The following ZP4 variants were observed in gnomAD, a reference collection of about 807,000 sequenced individuals.
ZP4 encodes the protein zona pellucida sperm-binding protein 4.
In ZP4, 62 loss-of-function variants were observed where a neutral mutation model predicts 62.3. The ratio of observed to expected loss-of-function variants is 0.99; its 90% CI spans 0.81 to 1.23. ZP4 has a LOEUF of 1.23. Ranked by LOEUF, ZP4 falls within the 50% of genes most tolerant of loss-of-function variation. ZP4 has a pLI of 0.00. For synonymous variants in ZP4, 289 were observed against 247.3 expected (o/e 1.17, Z -1.58); for missense variants, 774 against 656.0 (o/e 1.18, Z -1.97).
intron 6 of ZP4, 94 bp downstream of exon 6, chr1:237,886,676 TC>T: frequency 3.0e-6 from 3 of 1,012,048 alleles, no homozygotes; most frequent in Non-Finnish European, 4.5e-6. Context: ...ACAGGTTTTC[TC>T]CTATTGCTGA....
Position 237,890,834 on chromosome 1 carries a change from C to T in ZP4, c.-199G>A. The T allele has an allele frequency of 1.9e-6, 1 of 518,874 alleles. No homozygotes were observed. Among genetic ancestry groups the T allele is most frequent in the South Asian group, 3.3e-5 (1 of 30,180 alleles). The allele number at this position is 518,874 out of a possible 1,614,324, so 32.1% of individuals were successfully genotyped here. On this transcript the variant is annotated 5_prime_UTR_variant, in exon 1 of 12. Coordinates refer to ENST00000366570, the MANE Select transcript of ZP4 (RefSeq NM_021186.5). ...GCTTTGGGGCACAGTCTGCAGCTGC[C>T]TCACATTAAATACCACAATCCAGGC...
Position 237,884,026 on chromosome 1 carries a change from AC to A in ZP4, c.1390+742del, listed in dbSNP as rs1460342403. 2.2e-4 allele frequency among the ~76,000 whole-genome samples: 21 copies of A among 94,218 alleles called. 2 individuals are homozygous for A. Among genetic ancestry groups the A allele is most frequent in the Middle Eastern group, 5.5e-3 (1 of 182 alleles). The allele number at this position is 94,218 out of a possible 152,430, so 61.8% of individuals were successfully genotyped here. A position where few individuals can be genotyped will look rare whatever the true frequency, so the allele number is the denominator to read the frequency against. ...CACACACACACACACAAACACACAC[AC>A]ACACAAACACACACAAACACACACA... On this transcript the variant is annotated intron_variant, in intron 10 of 11. Coordinates refer to ENST00000366570, the MANE Select transcript of ZP4 (RefSeq NM_021186.5).
At chr1:237,885,344 G>A in intron 8 of ZP4, 29 bp from the exon 9 acceptor site, 3 of 1,612,080 alleles carry the variant, frequency 1.9e-6, no homozygotes, top group Non-Finnish European at 2.5e-6. Flanking sequence ...CAGTCAGGAT[G>A]GGCTTCTTTG....
Position 237,882,866 on chromosome 1 carries a change from T to C in ZP4, c.1391-20A>G. 3 of 1,601,882 alleles carry C rather than the reference T, an allele frequency of 1.9e-6. No individual in the cohort carries two copies. The highest frequency in any genetic ancestry group is 2.6e-6 in the Non-Finnish European group (3 of 1,170,226). ...TTCTTCCTGTTAGAGAAATGAGACC[T>C]AGTAATTCATTAGTTTTTGCACACA... On this transcript the variant is annotated intron_variant, in intron 10 of 11. Transcript: ENST00000366570.
At chr1:237,885,948 T>A in intron 6 of ZP4, 62 bp from the exon 7 acceptor site, 8 of 1,600,412 alleles carry the variant, frequency 5.0e-6, no homozygotes, top group Non-Finnish European at 4.3e-6. Context: ...TACACATCCT[T>A]TCTTTTTAAC....
chr1:237,889,778 C>T, intron 3 of ZP4, 89 bp downstream of exon 3: 3 of 1,138,760 alleles, frequency 2.6e-6, no homozygotes, highest in Non-Finnish European at 2.6e-6. Flanking sequence ...TCAGGTGTCA[C>T]TGCACAGAGC....
chr1:237,883,726 G>GGAGAGAGAGGAAGAGAGA (rs1474409339), intron 10 of ZP4, among the ~76,000 whole-genome samples: 1 of 16,228 alleles, frequency 6.2e-5, no homozygotes, highest in Non-Finnish European at 1.1e-4. Flanking sequence ...GGGGAGGGCG[G>GGAGAGAGAGGAAGAGAGA]GGGAGGGAGA....
chr1:237,883,959 CACACACAA>C (rs1404080984), intron 10 of ZP4, among the ~76,000 whole-genome samples: 104 of 85,080 alleles, frequency 1.2e-3, no homozygotes, highest in Admixed American at 2.6e-3. Context: ...GAACTGGTCA[CACACACAA>C]ACACACACAC....
intron 3 of ZP4, among the ~76,000 whole-genome samples, chr1:237,888,998 T>C (rs1378450288): frequency 6.6e-6 from 1 of 152,158 alleles, no homozygotes; most frequent in East Asian, 1.9e-4. Context: ...TTTGAGTCTG[T>C]TCTGACTTTG....
chr1:237,886,742 A>G (rs1377648148), intron 6 of ZP4, 29 bp downstream of exon 6: 1 of 1,588,660 alleles, frequency 6.3e-7, no homozygotes, highest in Non-Finnish European at 8.6e-7. Flanking sequence ...CTTATGGCAG[A>G]TGGGAAGTCA....
At chr1:237,883,989 C>CACACACACACACACAA (rs1665016040) in intron 10 of ZP4, among the ~76,000 whole-genome samples, 1 of 49,034 alleles carries the variant, frequency 2.0e-5, no homozygotes, top group African/African-American at 8.2e-5. Flanking sequence ...CACAAACACA[C>CACACACACACACACAA]ACACACACAC....
chr1:237,883,521 C>T (rs1187051089), intron 10 of ZP4, among the ~76,000 whole-genome samples: 1 of 150,616 alleles, frequency 6.6e-6, no homozygotes, highest in Non-Finnish European at 1.5e-5. Context: ...TCAAGACCAG[C>T]CTGGCCAACG....
At chr1:237,885,655 C>T in intron 7 of ZP4, 75 bp from the exon 8 acceptor site, 1 of 1,592,680 alleles carries the variant, frequency 6.3e-7, no homozygotes, top group South Asian at 1.2e-5. Context: ...CTTTAAATAG[C>T]CCCAAGCCCC....
intron 9 of ZP4, 132 bp downstream of exon 9, chr1:237,885,033 G>T: frequency 3.0e-6 from 4 of 1,326,442 alleles, no homozygotes; most frequent in East Asian, 2.4e-5. Context: ...TTAGTAACAA[G>T]GGTTGCTCTG....
Position 237,887,626 on chromosome 1 carries a change from G to A in ZP4, c.554-65C>T, listed in dbSNP as rs967105934. ...CCATTGTGGGGAGAACCAGATGAAA[G>A]TCTAACCACTTAGTTACTTTTAATC... On this transcript the variant is annotated intron_variant, in intron 4 of 11. Coordinates refer to ENST00000366570, the MANE Select transcript of ZP4 (RefSeq NM_021186.5). The A allele has an allele frequency of 3.3e-6, 5 of 1,518,612 alleles. No individual in the cohort carries two copies. The East Asian group carries it at 6.8e-5, about 21-fold the overall frequency. 94.1% of individuals were successfully genotyped at this position (1,518,612 alleles called of 1,614,324 possible). A position where few individuals can be genotyped will look rare whatever the true frequency, so the allele number is the denominator to read the frequency against.
Position 237,885,584 on chromosome 1 carries a change from C to T in ZP4, c.971-4G>A. 2 of 1,611,864 alleles carry T rather than the reference C, an allele frequency of 1.2e-6. No individual in the cohort carries two copies. The highest frequency in any genetic ancestry group is 1.1e-5 in the South Asian group (1 of 90,656). ...TAGTAAGAGCCATAGTTTTTATCTG[C>T]AAGAGGCAGAAATAAGGATTTGAAG... is the stretch of plus-strand genomic sequence containing the variant. On this transcript the variant is annotated splice_region_variant and splice_polypyrimidine_tract_variant and intron_variant, in intron 7 of 11. Coordinates refer to ENST00000366570, the MANE Select transcript of ZP4 (RefSeq NM_021186.5).
At chr1:237,883,763 G>A (rs28712521) in intron 10 of ZP4, among the ~76,000 whole-genome samples, 7,301 of 43,100 alleles carry the variant, frequency 0.17, 1,949 homozygotes, top group African/African-American at 0.49. Flanking sequence ...GAGAGAGAGG[G>A]AGAGAGAGGA....
intron 6 of ZP4, among the ~76,000 whole-genome samples, chr1:237,886,343 G>A (rs1227646824): frequency 1.3e-5 from 2 of 152,078 alleles, no homozygotes; most frequent in Non-Finnish European, 2.9e-5. Context: ...TGGAGATGAA[G>A]TAGGAGCTGT....
In ZP4 at chr1:237,885,761, G is replaced by A. The variant is rs369112554; in HGVS notation, c.965C>T (p.Ala322Val). Residue 322 changes from alanine (A) to valine (V), a missense_variant, in exon 7 of 12, where the codon GCC (alanine) becomes GTC (valine). Transcript: ENST00000366570. ...PGPLTLELQI[A>V]KDKNYGSYYG... is the part of the protein sequence containing the mutation. ...TCCAGCCAAGGGGGTCATACCTTTGGCAATCTGAAGTTCCAGAGTGAGGGG... is the reference window on the plus strand; with the variant it reads ...TCCAGCCAAGGGGGTCATACCTTTGACAATCTGAAGTTCCAGAGTGAGGGG... 1.2e-6 allele frequency: 2 copies of A among 1,613,906 alleles called. No homozygotes were observed. Among genetic ancestry groups the A allele is most frequent in the Non-Finnish European group, 1.7e-6 (2 of 1,179,990 alleles).
Sources: gnomAD v4.1 joint callset for allele counts (sites outside exome capture counted in the v4.1 genomes callset) on GRCh38, gnomAD v4.1.1 for gene constraint, MANE v1.5 for transcripts, NCBI Gene and HGNC (gene_info 2026-07-23, HGNC 2026-07-21) for gene names.